The following MGST1 variants were observed in gnomAD, a reference collection of about 807,000 sequenced individuals.
MGST1 encodes glutathione S-transferase 12.
A neutral mutation model predicts 8.9 loss-of-function variants in MGST1; 5 were observed. The ratio of observed to expected loss-of-function variants is 0.56; its 90% confidence interval spans 0.29 to 1.19. The LOEUF (loss-of-function observed/expected upper bound fraction) is 1.19. Ranked by LOEUF, MGST1 falls within the 50% of genes most tolerant of loss-of-function variation. MGST1 has a pLI of 0.08. For synonymous variants in MGST1, 54 were observed against 67.8 expected (o/e 0.80, Z 1.00); for missense variants, 182 against 187.4 (o/e 0.97, Z 0.17).
intron 4 of MGST1, among the ~76,000 whole-genome samples, chr12:16,567,812 T>G (rs1484424512): frequency 6.6e-6 from 1 of 151,902 alleles, no homozygotes; most frequent in African/African-American, 2.4e-5. Context: ...CAGGCAAAAC[T>G]CCACACTTCC....
chr12:16,353,422 C>G (rs139595050), intron 1 of MGST1: 3 of 152,322 alleles, frequency 2.0e-5, no homozygotes, highest in Admixed American at 2.0e-4. Context: ...GACTGGAATT[C>G]AAGTCCTAAA....
chr12:16,365,319 A>G (rs1370203753), downstream of MGST1, among the ~76,000 whole-genome samples: 1 of 152,144 alleles, frequency 6.6e-6, no homozygotes, highest in Non-Finnish European at 1.5e-5. Flanking sequence ...GTAAGCTTTT[A>G]AAATATCAGT....
intron 3 of MGST1, among the ~76,000 whole-genome samples, chr12:16,374,328 G>A (rs554094533): frequency 6.6e-6 from 1 of 151,904 alleles, no homozygotes; most frequent in Non-Finnish European, 1.5e-5. Context: ...CATGGTTATT[G>A]CTTTTAAAAT....
At chr12:16,472,139 A>G (rs1941293029) in intron 4 of MGST1, among the ~76,000 whole-genome samples, 1 of 152,174 alleles carries the variant, frequency 6.6e-6, no homozygotes, top group Admixed American at 6.6e-5. Context: ...CTTCTATAAG[A>G]CTACTATTAT....
chr12:16,481,239 C>A (rs1452721438), intron 4 of MGST1, among the ~76,000 whole-genome samples: 1 of 152,170 alleles, frequency 6.6e-6, no homozygotes, highest in African/African-American at 2.4e-5. Flanking sequence ...TCCAGGAAAT[C>A]CCAAGCCAAG....
chr12:16,488,391 C>G (rs1941414123), intron 4 of MGST1, among the ~76,000 whole-genome samples: 1 of 152,142 alleles, frequency 6.6e-6, no homozygotes, highest in Non-Finnish European at 1.5e-5. Flanking sequence ...ATACAGTGAT[C>G]TTCAATTCCT....
rs948207508 is a variant in MGST1 at position 16,489,233 on chromosome 12, T to C, written n.483-100295T>C. On this transcript the variant is annotated intron_variant and non_coding_transcript_variant, in intron 4 of 4. Coordinates refer to the MGST1 transcript ENST00000538857. ...TTGGGCCATTATAAATAAATGACAG[T>C]TTCCAATTCATTTTTTCCTTTCATC... 2.6e-5 allele frequency among the ~76,000 whole-genome samples: 4 copies of C among 152,108 alleles called. 1 individual carries two copies. Among genetic ancestry groups the C allele is most frequent in the Non-Finnish European group, 5.9e-5 (4 of 68,026 alleles).
chr12:16,483,878 C>G (rs1941380765), intron 4 of MGST1, among the ~76,000 whole-genome samples: 1 of 152,132 alleles, frequency 6.6e-6, no homozygotes, highest in Non-Finnish European at 1.5e-5. Flanking sequence ...TCAGATTATA[C>G]TACACATAAA....
intron 4 of MGST1, among the ~76,000 whole-genome samples, chr12:16,516,357 G>C (rs973054229): frequency 2.0e-5 from 3 of 152,150 alleles, no homozygotes; most frequent in Non-Finnish European, 2.9e-5. Flanking sequence ...CAAATACATT[G>C]ATTTTGTCAA....
At chr12:16,396,701 A>T (rs767676895) in intron 1 of MGST1, among the ~76,000 whole-genome samples, 31 of 152,180 alleles carry the variant, frequency 2.0e-4, no homozygotes, top group Non-Finnish European at 3.5e-4. Flanking sequence ...GCAAAAAAAT[A>T]AAAAATACTT....
At chr12:16,573,548 G>T (rs1449614625) in intron 4 of MGST1, 1 of 152,320 alleles carries the variant, frequency 6.6e-6, no homozygotes, top group Non-Finnish European at 1.5e-5. Context: ...AGGCGATAAG[G>T]GGGGCAGTTA....
chr12:16,523,571 TTA>T lies in MGST1; in HGVS notation n.483-65956_483-65955del, dbSNP rs149256318. On this transcript the variant is annotated intron_variant and non_coding_transcript_variant, in intron 4 of 4. Transcript: ENST00000538857. ...TCATTCTGGTGATGCTTTCTGGTAC[TTA>T]AAAAAAATGCTTCACTGTATGTTAC... Among the ~76,000 whole-genome samples, 1,449 of 152,138 alleles carry T rather than the reference TTA, an allele frequency of 9.5e-3. 46 individuals carry two copies. In the East Asian group the frequency reaches 0.14, roughly 14 times the overall value.
At chr12:16,402,486 C>T in intron 1 of MGST1, 3 of 1,445,032 alleles carry the variant, frequency 2.1e-6, no homozygotes, top group Non-Finnish European at 2.9e-6. Context: ...GCCACCTGCT[C>T]TCGGCCCAGG....
At chr12:16,414,336 T>C (rs1171106855) in intron 1 of MGST1, among the ~76,000 whole-genome samples, 3 of 150,834 alleles carry the variant, frequency 2.0e-5, no homozygotes, top group Non-Finnish European at 4.4e-5. Context: ...GATTTATGTT[T>C]TCCTCCGTAT....
intron 4 of MGST1, among the ~76,000 whole-genome samples, chr12:16,475,304 T>G (rs1591739891): frequency 1.3e-5 from 2 of 152,340 alleles, no homozygotes; most frequent in African/African-American, 4.8e-5. Context: ...AATCAATTAG[T>G]TCTCAGTTTG....
At position 16,363,741 on chromosome 12, in the gene MGST1, A is replaced by G. The variant is rs1247537146; in HGVS notation, c.222-54A>G. 3 of 1,411,628 alleles carry G rather than the reference A, an allele frequency of 2.1e-6. No homozygotes were observed. The African/African-American group carries it at 4.2e-5, about 20-fold the overall frequency. The allele number at this position is 1,411,628 out of a possible 1,614,324, so 87.4% of individuals were successfully genotyped here. Reference sequence around the variant, plus strand: ...GTTTTTAGAAGAGAGAGAAAAAAGGATACATATCTAGTATTTTGAAATTAG... The same window carrying G: ...GTTTTTAGAAGAGAGAGAAAAAAGGGTACATATCTAGTATTTTGAAATTAG... On this transcript the variant is annotated intron_variant, in intron 3 of 3. Coordinates refer to ENST00000396210, the MANE Select transcript of MGST1 (RefSeq NM_020300.5). The surrounding 1 kb of genome is among the most constrained non-coding windows in gnomAD (Gnocchi z 4.6).
chr12:16,353,884 C>G (rs529425878), intron 1 of MGST1, among the ~76,000 whole-genome samples: 1 of 151,106 alleles, frequency 6.6e-6, no homozygotes. Flanking sequence ...CTCAGTCTCA[C>G]GAGTAGCTGG....
chr12:16,590,116 A>T (rs1591818671), downstream of MGST1, among the ~76,000 whole-genome samples: 1 of 152,224 alleles, frequency 6.6e-6, no homozygotes, highest in East Asian at 1.9e-4. Context: ...TTGTACCCAA[A>T]GTTTAAACTT....
intron 4 of MGST1, among the ~76,000 whole-genome samples, chr12:16,575,411 C>T (rs1942963719): frequency 6.6e-6 from 1 of 152,182 alleles, no homozygotes; most frequent in Non-Finnish European, 1.5e-5. Context: ...TTTCCCTTTG[C>T]TTACATTTTA....
Sources: allele counts gnomAD v4.1 joint callset (sites outside exome capture counted in the v4.1 genomes callset), GRCh38; gene constraint gnomAD v4.1.1; non-coding constraint Gnocchi (gnomAD v3.1); transcripts MANE v1.5; gene names NCBI Gene and HGNC (gene_info 2026-07-23, HGNC 2026-07-21).